Variants in CYP4Z1 observed in about 807,000 individuals in gnomAD.
The protein encoded by CYP4Z1 is cytochrome P450 family 4 subfamily Z member 1.
A neutral mutation model predicts 54.2 loss-of-function variants in CYP4Z1; 41 were observed. That is an observed-to-expected ratio of 0.76 (90% CI 0.59 to 0.98). The LOEUF is 0.98. Among genes scored for constraint, CYP4Z1 ranks in the 50% least tolerant of loss-of-function variants. CYP4Z1 has a pLI of 0.00. For missense variants in CYP4Z1, 513 were observed against 599.0 expected (o/e 0.86, Z 1.50); for synonymous variants, 163 against 206.2 (o/e 0.79, Z 1.79).
At chr1:47,055,555 T>C in the CYP4Z1 span, among the ~76,000 whole-genome samples, 1 of 152,104 alleles carries the variant, frequency 6.6e-6, no homozygotes, top group African/African-American at 2.4e-5. Flanking sequence ...GTCCTGGACT[T>C]TTTTTGGTTG....
chr1:47,113,091 C>CA (rs1644804845), intron 9 of CYP4Z1, among the ~76,000 whole-genome samples: 1 of 152,130 alleles, frequency 6.6e-6, no homozygotes, highest in African/African-American at 2.4e-5. Flanking sequence ...AGCATGACCT[C>CA]TTTCCCATTT....
intron 9 of CYP4Z1, among the ~76,000 whole-genome samples, chr1:47,113,749 G>A (rs1056494851): frequency 6.6e-6 from 1 of 152,100 alleles, no homozygotes; most frequent in Non-Finnish European, 1.5e-5. Context: ...GGATGTGAAG[G>A]ACCTCTTCAA....
At chr1:47,057,890 T>C in the CYP4Z1 span, among the ~76,000 whole-genome samples, 4 of 152,032 alleles carry the variant, frequency 2.6e-5, no homozygotes, top group Non-Finnish European at 4.4e-5. Context: ...AATTGAATAC[T>C]GGACATGGTG....
chr1:47,112,093 A>G (rs886259216), intron 9 of CYP4Z1, among the ~76,000 whole-genome samples: 1 of 152,172 alleles, frequency 6.6e-6, no homozygotes, highest in African/African-American at 2.4e-5. Context: ...AACTAAAAGG[A>G]AACAGGTGAA....
At chr1:47,060,534 C>T in the CYP4Z1 span, among the ~76,000 whole-genome samples, 1 of 152,180 alleles carries the variant, frequency 6.6e-6, no homozygotes, top group South Asian at 2.1e-4. Context: ...TCATCTAATA[C>T]AGGAGCACCT....
rs1280751810 is a variant in CYP4Z1, at chr1:47,068,442, C to G, written c.178-180C>G. Among the ~76,000 whole-genome samples the G allele has an allele frequency of 1.3e-5, 2 of 152,234 alleles. 1 individual carries two copies. The highest frequency in any genetic ancestry group is 4.1e-4 in the South Asian group (2 of 4,824). On this transcript the variant is annotated intron_variant, in intron 1 of 11. Coordinates refer to ENST00000334194, the MANE Select transcript of CYP4Z1 (RefSeq NM_178134.3). ...GGTCCTGAGCACTTGCCCAGGGCCA[C>G]GAAGATTCTGTGGAGGTGCTGGAGA...
At chr1:47,069,221 C>T (rs892846315) in intron 2 of CYP4Z1, among the ~76,000 whole-genome samples, 13 of 152,380 alleles carry the variant, frequency 8.5e-5, no homozygotes, top group African/African-American at 2.9e-4. Context: ...CAAGTGGACA[C>T]CAGTTCTCCA....
At chr1:47,089,119 TA>T (rs1644619404) in intron 6 of CYP4Z1, among the ~76,000 whole-genome samples, 1 of 149,634 alleles carries the variant, frequency 6.7e-6, no homozygotes, top group South Asian at 2.1e-4. Context: ...TGGATCATTT[TA>T]TATTATTATT....
chr1:47,057,335 A>AAAAATAT, the CYP4Z1 span, among the ~76,000 whole-genome samples: 1 of 28,490 alleles, frequency 3.5e-5, no homozygotes, highest in African/African-American at 9.1e-5. Context: ...AAGAAAAAAA[A>AAAAATAT]ATATATATAT....
At chr1:47,096,324 G>A (rs890910268) in intron 7 of CYP4Z1, among the ~76,000 whole-genome samples, 1 of 152,116 alleles carries the variant, frequency 6.6e-6, no homozygotes, top group African/African-American at 2.4e-5. Context: ...GACTGAGGTG[G>A]GAGGATCACT....
chr1:47,105,097 G>A (rs981160473), intron 8 of CYP4Z1, among the ~76,000 whole-genome samples: 5 of 152,144 alleles, frequency 3.3e-5, no homozygotes, highest in African/African-American at 7.2e-5. Context: ...ACAGTTACAG[G>A]CAGTGGAATT....
At chr1:47,061,159 T>G in the CYP4Z1 span, among the ~76,000 whole-genome samples, 1 of 151,962 alleles carries the variant, frequency 6.6e-6, no homozygotes, top group Non-Finnish European at 1.5e-5. Context: ...GAAGAGCAAA[T>G]CAACTCCAAA....
intron 7 of CYP4Z1, among the ~76,000 whole-genome samples, chr1:47,096,086 G>C (rs1458089634): frequency 6.6e-6 from 1 of 152,120 alleles, no homozygotes; most frequent in Non-Finnish European, 1.5e-5. Flanking sequence ...ATTTGGAAGT[G>C]AAATAGAATT....
chr1:47,107,606 A>G (rs187104635), intron 9 of CYP4Z1, among the ~76,000 whole-genome samples: 6 of 152,232 alleles, frequency 3.9e-5, no homozygotes, highest in East Asian at 1.9e-4. Context: ...TTGCATTTCA[A>G]TAATACCTAA....
chr1:47,084,723 A>G lies in CYP4Z1; in HGVS notation c.596A>G (p.Gln199Arg), dbSNP rs1644579257. The change falls in exon 5 of 12, where the codon CAG (glutamine) becomes CGG (arginine). Residue 199 changes from glutamine to arginine, a missense_variant. By Grantham distance (43) the Gln-to-Arg change is conservative. Coordinates refer to ENST00000334194, the MANE Select transcript of CYP4Z1 (RefSeq NM_178134.3). Reference protein sequence around the residue: ...DSIMKCAFSHQGSIQLDSTLD... With the variant: ...DSIMKCAFSHRGSIQLDSTLD... ...ATCATGAAGTGTGCCTTCAGCCACCAGGGCAGCATCCAGTTGGACAGGTCA... is the reference window on the plus strand; with the variant it reads ...ATCATGAAGTGTGCCTTCAGCCACCGGGGCAGCATCCAGTTGGACAGGTCA... 1.9e-6 allele frequency: 3 copies of G among 1,613,190 alleles called. No homozygotes were observed. The highest frequency in any genetic ancestry group is 1.7e-6 in the Non-Finnish European group (2 of 1,179,812).
At chr1:47,093,456 C>T (rs918674547) in intron 6 of CYP4Z1, among the ~76,000 whole-genome samples, 4 of 152,232 alleles carry the variant, frequency 2.6e-5, no homozygotes, top group Non-Finnish European at 1.5e-5. Flanking sequence ...GTGTAATCTG[C>T]CCGGCTCCCC....
intron 7 of CYP4Z1, among the ~76,000 whole-genome samples, chr1:47,095,899 A>C (rs1644673096): frequency 6.6e-6 from 1 of 152,226 alleles, no homozygotes; most frequent in African/African-American, 2.4e-5. Context: ...ATTTGAGGGA[A>C]CAAAAATAAA....
intron 2 of CYP4Z1, among the ~76,000 whole-genome samples, chr1:47,076,465 A>G (rs1370474592): frequency 1.3e-5 from 2 of 151,388 alleles, no homozygotes; most frequent in East Asian, 2.0e-4. Context: ...ATCCCATAAC[A>G]TTGGGTAAGT....
At position 47,102,488 on chromosome 1, in the gene CYP4Z1, T is replaced by C. The variant is rs1168562710; in HGVS notation, c.1067+3204T>C. Among the ~76,000 whole-genome samples the C allele has an allele frequency of 8.5e-5, 13 of 152,326 alleles. No individual in the cohort carries two copies. In the East Asian group the frequency reaches 2.3e-3, roughly 27 times the overall value. On this transcript the variant is annotated intron_variant, in intron 8 of 11. Coordinates refer to ENST00000334194, the MANE Select transcript of CYP4Z1 (RefSeq NM_178134.3). ...GTTATCATTCTGTTACTTCTGGGTATAGGACTCCCTTGAGCATTTCTCATA... is the reference window on the plus strand; with the variant it reads ...GTTATCATTCTGTTACTTCTGGGTACAGGACTCCCTTGAGCATTTCTCATA...
Sources: gnomAD v4.1 joint callset for allele counts (sites outside exome capture counted in the v4.1 genomes callset) on GRCh38, gnomAD v4.1.1 for gene constraint, MANE v1.5 for transcripts, NCBI Gene and HGNC (gene_info 2026-07-23, HGNC 2026-07-21) for gene names.